Variants in CSE1L observed in about 807,000 individuals in gnomAD.
CSE1L encodes chromosome segregation 1 like.
In CSE1L, 24 loss-of-function variants were observed where a neutral mutation model predicts 120.4. The observed-to-expected ratio is 0.20, with a 90% CI of 0.14 to 0.28. CSE1L has a LOEUF of 0.28. Ranked by LOEUF, CSE1L falls within the 10% of genes least tolerant of loss-of-function variation. CSE1L has a pLI of 1.00. For synonymous variants in CSE1L, 402 were observed against 398.3 expected, an observed-to-expected ratio of 1.01 and a Z score of -0.11; for missense variants, 830 against 1,145.2, an observed-to-expected ratio of 0.72 and a Z score of 3.97.
At chr20:49,092,893 A>G (rs2092112811) in intron 22 of CSE1L, among the ~76,000 whole-genome samples, 1 of 152,116 alleles carries the variant, frequency 6.6e-6, no homozygotes, top group South Asian at 2.1e-4. Context: ...ATTTTAGTAT[A>G]TGTGCTGCTA....
At chr20:49,051,538 CT>C (rs2091766395) in intron 1 of CSE1L, among the ~76,000 whole-genome samples, 1 of 152,128 alleles carries the variant, frequency 6.6e-6, no homozygotes, top group Admixed American at 6.6e-5. Flanking sequence ...GCAAAGACCC[CT>C]GTCTCCAAAA....
In CSE1L at chr20:49,063,205, A is replaced by C; in HGVS notation, c.89A>C (p.Glu30Ala). ...TAACATGAAAATTCTTTTACAGCTG[A>C]GAAATTTCTTGAATCTGTTGAAGGA... ...DPDPAIRRPA[E>A]KFLESVEGNQ... The change falls in exon 3 of 25, where the codon GAG becomes GCG. Residue 30 changes from glutamate to alanine, a missense_variant. Physicochemically the swap from Glu to Ala is moderately radical, Grantham distance 107. Coordinates refer to ENST00000262982, the MANE Select transcript of CSE1L (RefSeq NM_001316.4). 6.3e-7 allele frequency: 1 copy of C among 1,574,834 alleles called. No individual in the cohort carries two copies. The highest frequency in any genetic ancestry group is 8.6e-7 in the Non-Finnish European group (1 of 1,166,458).
chr20:49,075,742 T>G (rs2091964100), intron 12 of CSE1L, among the ~76,000 whole-genome samples: 1 of 152,232 alleles, frequency 6.6e-6, no homozygotes, highest in Non-Finnish European at 1.5e-5. Flanking sequence ...TTACCTTAGC[T>G]GAGACCCGCT....
chr20:49,086,900 G>A (rs761288104), intron 16 of CSE1L, among the ~76,000 whole-genome samples: 2 of 152,132 alleles, frequency 1.3e-5, no homozygotes, highest in South Asian at 2.1e-4. Flanking sequence ...TGACCTAACC[G>A]AACGTTAGGT....
chr20:49,088,567 A>C (rs1249897098), intron 17 of CSE1L, among the ~76,000 whole-genome samples: 1 of 152,234 alleles, frequency 6.6e-6, no homozygotes, highest in African/African-American at 2.4e-5. Flanking sequence ...ATTAACACTA[A>C]ATTTTAGAAA....
intron 1 of CSE1L, among the ~76,000 whole-genome samples, chr20:49,050,499 T>C (rs2091758436): frequency 6.8e-6 from 1 of 146,772 alleles, no homozygotes; most frequent in African/African-American, 2.5e-5. Context: ...GCCTCCCGGG[T>C]TCAAGCAATT....
Position 49,066,204 on chromosome 20 carries a change from C to A in CSE1L, c.241C>A (p.Pro81Thr). The A allele has an allele frequency of 1.2e-6, 2 of 1,614,090 alleles. No individual in the cohort carries two copies. The highest frequency in any genetic ancestry group is 1.7e-6 in the Non-Finnish European group (2 of 1,179,996). ...KRNWRIVEDE[P>T]NKICEADRVA... Reference sequence around the variant, plus strand: ...GCTTTGCTTTTAGGTTGAAGATGAACCAAACAAAATTTGTGAAGCCGATCG... The same window carrying A: ...GCTTTGCTTTTAGGTTGAAGATGAAACAAACAAAATTTGTGAAGCCGATCG... Residue 81 changes from proline (P) to threonine (T), a missense_variant, in exon 4 of 25, where the codon CCA becomes ACA. Pro to Thr is a conservative substitution (Grantham distance 38). Around this residue, in one of 4 missense-constraint regions of CSE1L, gnomAD observed 543 missense variants for 640.2 expected, o/e 0.85. Transcript: ENST00000262982.
intron 22 of CSE1L, among the ~76,000 whole-genome samples, chr20:49,092,951 A>C (rs1274269624): frequency 6.6e-6 from 1 of 152,242 alleles, no homozygotes; most frequent in Non-Finnish European, 1.5e-5. Context: ...TAGGACCAAT[A>C]AATTAACTTT....
intron 1 of CSE1L, among the ~76,000 whole-genome samples, chr20:49,056,847 C>CTGTGTGTGTGTGTG (rs3223230): frequency 2.7e-5 from 4 of 148,980 alleles, no homozygotes; most frequent in Non-Finnish European, 4.5e-5. Context: ...ACTTCACATG[C>CTGTGTGTGTGTGTG]TGTGTGTGTG....
At chr20:49,091,570 C>T (rs1393970327) in intron 21 of CSE1L, among the ~76,000 whole-genome samples, 1 of 151,836 alleles carries the variant, frequency 6.6e-6, no homozygotes, top group Admixed American at 6.6e-5. Flanking sequence ...CCTGTCTCTA[C>T]AAAACAGCCA....
chr20:49,084,773 G>C (rs893265232), intron 15 of CSE1L, among the ~76,000 whole-genome samples: 1 of 152,156 alleles, frequency 6.6e-6, no homozygotes, highest in Non-Finnish European at 1.5e-5. Context: ...CTTGAAATGA[G>C]CTTTGGGTAA....
At chr20:49,060,060 C>T (rs2091839795) in intron 2 of CSE1L, among the ~76,000 whole-genome samples, 1 of 151,804 alleles carries the variant, frequency 6.6e-6, no homozygotes, top group African/African-American at 2.4e-5. Context: ...TGATGTGTGC[C>T]TGTATTCCTA....
At chr20:49,091,433 A>G (rs559399826) in intron 21 of CSE1L, among the ~76,000 whole-genome samples, 3 of 152,132 alleles carry the variant, frequency 2.0e-5, no homozygotes, top group Non-Finnish European at 4.4e-5. Flanking sequence ...CTCAAAAAAA[A>G]AAAAGAAAAT....
At chr20:49,084,204 C>A (rs1313723671) in intron 15 of CSE1L, 42 bp downstream of exon 15, 2 of 1,570,482 alleles carry the variant, frequency 1.3e-6, no homozygotes, top group Non-Finnish European at 1.7e-6. Context: ...GGGGTAGGGG[C>A]TGTACTGTGC....
chr20:49,076,836 A>G (rs2091972416), intron 12 of CSE1L, 144 bp from the exon 13 acceptor site: 2 of 543,004 alleles, frequency 3.7e-6, no homozygotes, highest in Non-Finnish European at 6.5e-6. Flanking sequence ...CAGCCAGTAC[A>G]GTCTCATTTT....
chr20:49,084,601 T>A (rs1273727103), intron 15 of CSE1L, among the ~76,000 whole-genome samples: 1 of 152,218 alleles, frequency 6.6e-6, no homozygotes, highest in Non-Finnish European at 1.5e-5. Context: ...TATTTTCATG[T>A]GGCTATTTGC....
chr20:49,063,375 C>T, intron 3 of CSE1L, 31 bp downstream of exon 3: 1 of 1,355,678 alleles, frequency 7.4e-7, no homozygotes. Context: ...TAATTTAATA[C>T]CCTGTATGTT....
rs2092141327 is a variant in CSE1L, at chr20:49,096,421, A to C, written c.2899A>C (p.Ser967Arg). Residue 967 changes from serine (S) to arginine (R), a missense_variant, in exon 25 of 25, where the codon AGT becomes CGT. Physicochemically the swap from Ser to Arg is moderately radical, Grantham distance 110. This residue lies in a region of CSE1L where 112 missense variants were observed against 200.0 expected (regional missense o/e 0.56). Transcript: ENST00000262982. Reference sequence around the variant, plus strand: ...TCTCCAAGGGTACCTTCAGGCAGCCAGTGTGACACTGCTTTAAACTGCATT... The same window carrying C: ...TCTCCAAGGGTACCTTCAGGCAGCCCGTGTGACACTGCTTTAAACTGCATT... ...QYLQGYLQAA[S>R]VTLL 5 of 1,613,874 alleles carry C rather than the reference A, an allele frequency of 3.1e-6. No individual in the cohort carries two copies. The highest frequency in any genetic ancestry group is 1.7e-5 in the Admixed American group (1 of 60,006).
chr20:49,069,362 C>G (rs1368439565), intron 7 of CSE1L, among the ~76,000 whole-genome samples: 2 of 152,164 alleles, frequency 1.3e-5, no homozygotes, highest in Non-Finnish European at 2.9e-5. Context: ...GAGATAGTGG[C>G]CTCCAATCAT....
Sources: allele counts gnomAD v4.1 joint callset (sites outside exome capture counted in the v4.1 genomes callset), GRCh38; gene constraint gnomAD v4.1.1; regional missense constraint gnomAD v4.1.1; transcripts MANE v1.5; gene names NCBI Gene and HGNC (gene_info 2026-07-23, HGNC 2026-07-21).